The following CDH18 variants were observed in gnomAD, a reference collection of about 807,000 sequenced individuals.
The protein encoded by CDH18 is cadherin-18.
Under a neutral mutation model 67.9 loss-of-function variants are expected in CDH18, and 31 were observed. That is an observed-to-expected ratio of 0.46 (90% CI 0.34 to 0.62). The LOEUF (loss-of-function observed/expected upper bound fraction) is 0.62. CDH18 is among the 20% of genes least tolerant of loss of function. CDH18 has a pLI of 0.01. For missense variants in CDH18, 890 were observed against 975.5 expected (o/e 0.91, Z 1.17); for synonymous variants, 362 against 347.2 (o/e 1.04, Z -0.48).
intron 1 of CDH18, among the ~76,000 whole-genome samples, chr5:20,358,921 C>CT (rs1432957909): frequency 3.4e-5 from 5 of 145,370 alleles, no homozygotes; most frequent in African/African-American, 1.3e-4. Flanking sequence ...ATGCATTGGC[C>CT]TTTTTTCTTT....
At chr5:20,553,481 A>T (rs1757748250) in intron 1 of CDH18, among the ~76,000 whole-genome samples, 1 of 152,176 alleles carries the variant, frequency 6.6e-6, no homozygotes, top group Non-Finnish European at 1.5e-5. Context: ...TATTGGGCTA[A>T]TTATAGAATA....
At chr5:20,477,703 G>A (rs1752533584) in intron 1 of CDH18, among the ~76,000 whole-genome samples, 1 of 152,172 alleles carries the variant, frequency 6.6e-6, no homozygotes, top group Admixed American at 6.5e-5. Context: ...AGTCAGTATA[G>A]GACAGAAGGA....
At chr5:19,706,807 A>G (rs1764024103) in intron 5 of CDH18, among the ~76,000 whole-genome samples, 1 of 152,184 alleles carries the variant, frequency 6.6e-6, no homozygotes, top group Non-Finnish European at 1.5e-5. Context: ...GAAAGAATGA[A>G]TCTCTCCCTG....
chr5:19,665,206 G>A (rs946712154), intron 5 of CDH18, among the ~76,000 whole-genome samples: 19 of 151,820 alleles, frequency 1.3e-4, no homozygotes, highest in African/African-American at 4.1e-4. Context: ...TTAAATAAAC[G>A]ATGTCAAAAC....
At chr5:20,247,207 T>C (rs1022339937) in intron 2 of CDH18, among the ~76,000 whole-genome samples, 2 of 152,214 alleles carry the variant, frequency 1.3e-5, no homozygotes, top group African/African-American at 4.8e-5. Flanking sequence ...AGCCTCCTGA[T>C]ACTCCATGAG....
intron 5 of CDH18, among the ~76,000 whole-genome samples, chr5:19,656,931 A>C (rs1165423391): frequency 6.6e-6 from 1 of 151,792 alleles, no homozygotes. Context: ...TTATTTATAC[A>C]ACTACCTACT....
intron 2 of CDH18, among the ~76,000 whole-genome samples, chr5:19,975,140 T>C (rs886253002): frequency 2.0e-5 from 3 of 152,152 alleles, no homozygotes; most frequent in Non-Finnish European, 4.4e-5. Context: ...TATATAAATA[T>C]AACATTAACT....
chr5:20,561,503 AC>A (rs1188737427), intron 1 of CDH18, among the ~76,000 whole-genome samples: 1 of 152,098 alleles, frequency 6.6e-6, no homozygotes, highest in Non-Finnish European at 1.5e-5. Context: ...AACCAATCTG[AC>A]AAGGCTACAT....
At chr5:20,386,727 A>T (rs1744341345) in intron 1 of CDH18, among the ~76,000 whole-genome samples, 1 of 152,154 alleles carries the variant, frequency 6.6e-6, no homozygotes, top group South Asian at 2.1e-4. Context: ...TTATAACAAT[A>T]TTAGCTGAAA....
intron 5 of CDH18, among the ~76,000 whole-genome samples, chr5:19,696,684 G>A (rs540497037): frequency 1.1e-4 from 17 of 152,042 alleles, no homozygotes; most frequent in African/African-American, 2.9e-4. Flanking sequence ...GTGAGCCACC[G>A]CACCCAGCCA....
At chr5:20,396,695 T>C (rs1745310833) in intron 1 of CDH18, among the ~76,000 whole-genome samples, 1 of 152,160 alleles carries the variant, frequency 6.6e-6, no homozygotes, top group African/African-American at 2.4e-5. Flanking sequence ...TTAGATGCAC[T>C]AAATTTTCTA....
intron 3 of CDH18, among the ~76,000 whole-genome samples, chr5:19,833,226 A>G (rs137971122): frequency 8.9e-4 from 136 of 151,982 alleles, no homozygotes; most frequent in East Asian, 2.7e-3. Flanking sequence ...AGTTCTCCTT[A>G]AAGAGGTCCT....
At chr5:19,697,041 C>G (rs989854937) in intron 5 of CDH18, among the ~76,000 whole-genome samples, 13 of 152,152 alleles carry the variant, frequency 8.5e-5, no homozygotes, top group African/African-American at 2.7e-4. Flanking sequence ...ATGAATGAAA[C>G]AGTTGAAATG....
chr5:20,278,461 A>G (rs1253779932), intron 1 of CDH18, among the ~76,000 whole-genome samples: 1 of 152,138 alleles, frequency 6.6e-6, no homozygotes, highest in Non-Finnish European at 1.5e-5. Flanking sequence ...AGACAAAAAA[A>G]AGCTGAGAAA....
chr5:20,334,210 G>A (rs1463504133), intron 1 of CDH18, among the ~76,000 whole-genome samples: 22 of 138,272 alleles, frequency 1.6e-4, no homozygotes, highest in African/African-American at 6.1e-4. Context: ...TCGGCTCACT[G>A]CAGGCTCCGC....
intron 7 of CDH18, among the ~76,000 whole-genome samples, chr5:19,588,977 G>T (rs929688229): frequency 1.3e-5 from 2 of 151,982 alleles, no homozygotes; most frequent in African/African-American, 4.8e-5. Context: ...CTGACATTAT[G>T]AGACAGATCA....
chr5:19,906,335 T>C (rs757479876), intron 2 of CDH18, among the ~76,000 whole-genome samples: 1 of 151,882 alleles, frequency 6.6e-6, no homozygotes. Context: ...GTAATACAGG[T>C]TAAAGTTTAA....
At chr5:19,545,738 G>GA (rs1046275343) in intron 8 of CDH18, among the ~76,000 whole-genome samples, 3 of 152,128 alleles carry the variant, frequency 2.0e-5, no homozygotes, top group Non-Finnish European at 2.9e-5. Context: ...GGTAGTTTGG[G>GA]AAAAATTAAT....
chr5:19,855,491 T>G (rs1784183051), intron 2 of CDH18, among the ~76,000 whole-genome samples: 1 of 152,118 alleles, frequency 6.6e-6, no homozygotes, highest in Non-Finnish European at 1.5e-5. Flanking sequence ...TTTATTTTAT[T>G]TTTTTTCTTG....
Sources: gnomAD v4.1 joint callset for allele counts (sites outside exome capture counted in the v4.1 genomes callset) on GRCh38, gnomAD v4.1.1 for gene constraint, MANE v1.5 for transcripts, NCBI Gene and HGNC (gene_info 2026-07-23, HGNC 2026-07-21) for gene names.